Variants in BABAM2 observed in about 807,000 individuals in gnomAD.
BABAM2 encodes the protein BRISC and BRCA1 A complex member 2, also known as BRISC and BRCA1-A complex member 2.
BABAM2 carries 31 observed loss-of-function variants against 54.7 expected under a neutral mutation model. The observed-to-expected ratio is 0.57, with a 90% CI of 0.43 to 0.77. The LOEUF (loss-of-function observed/expected upper bound fraction) is 0.77. BABAM2 is among the 30% of genes least tolerant of loss of function. BABAM2 has a pLI of 0.00. For synonymous variants in BABAM2, 167 were observed against 162.9 expected (o/e 1.03, Z -0.19); for missense variants, 364 against 455.8 (o/e 0.80, Z 1.83).
chr2:27,894,827 G>T, intron 2 of BABAM2, 143 bp downstream of exon 2: 1 of 897,148 alleles, frequency 1.1e-6, no homozygotes, highest in African/African-American at 1.7e-5. Context: ...GATTCAGTTG[G>T]TTTTGTTCAG....
At chr2:28,275,810 CAG>C (rs891893332) in intron 10 of BABAM2, among the ~76,000 whole-genome samples, 7 of 152,072 alleles carry the variant, frequency 4.6e-5, no homozygotes, top group African/African-American at 1.2e-4. Flanking sequence ...AAGAAAATTG[CAG>C]AGTCTTTGCT....
At chr2:28,049,462 C>T (rs1318727880) in intron 6 of BABAM2, among the ~76,000 whole-genome samples, 1 of 152,124 alleles carries the variant, frequency 6.6e-6, no homozygotes, top group African/African-American at 2.4e-5. Context: ...AAGGCTATAA[C>T]CAATTGACTA....
chr2:27,949,759 A>G (rs1669568266), intron 3 of BABAM2, among the ~76,000 whole-genome samples: 1 of 152,062 alleles, frequency 6.6e-6, no homozygotes, highest in Non-Finnish European at 1.5e-5. Flanking sequence ...TTATTTTTAA[A>G]AATAGTTCTT....
intron 7 of BABAM2, among the ~76,000 whole-genome samples, chr2:28,169,481 A>G (rs1674075516): frequency 6.6e-6 from 1 of 152,176 alleles, no homozygotes; most frequent in African/African-American, 2.4e-5. Flanking sequence ...TAAAAGAGAC[A>G]ATATAAATAT....
intron 7 of BABAM2, among the ~76,000 whole-genome samples, chr2:28,195,580 C>G (rs1677435185): frequency 6.6e-6 from 1 of 152,166 alleles, no homozygotes; most frequent in South Asian, 2.1e-4. Flanking sequence ...AGAAGTCTAT[C>G]AAGAGGGCCA....
At chr2:28,274,180 A>C (rs1295753553) in intron 10 of BABAM2, among the ~76,000 whole-genome samples, 2 of 151,542 alleles carry the variant, frequency 1.3e-5, no homozygotes, top group African/African-American at 2.4e-5. Context: ...TTTCTCTCCC[A>C]CTCAGCCTTG....
chr2:28,219,886 G>A (rs867496489), intron 7 of BABAM2, among the ~76,000 whole-genome samples: 3 of 152,180 alleles, frequency 2.0e-5, no homozygotes, highest in African/African-American at 7.2e-5. Context: ...ATGAAGCTGT[G>A]CTGCTGCTGG....
intron 10 of BABAM2, among the ~76,000 whole-genome samples, chr2:28,246,619 T>G (rs1048841117): frequency 6.6e-6 from 1 of 152,208 alleles, no homozygotes; most frequent in Admixed American, 6.5e-5. Flanking sequence ...AACCAGTTCC[T>G]TCATCTCCAA....
chr2:27,942,501 C>T (rs1668972196), intron 3 of BABAM2, among the ~76,000 whole-genome samples: 1 of 151,668 alleles, frequency 6.6e-6, no homozygotes, highest in South Asian at 2.1e-4. Context: ...TCTGGTACTA[C>T]AGGTGCACAC....
intron 3 of BABAM2, among the ~76,000 whole-genome samples, chr2:27,941,633 TGAA>T (rs1019336794): frequency 7.9e-5 from 12 of 151,730 alleles, no homozygotes; most frequent in African/African-American, 2.9e-4. Flanking sequence ...TGTGACAGAG[TGAA>T]GAAGTCATGT....
At chr2:28,019,282 G>T (rs1675081016) in intron 4 of BABAM2, among the ~76,000 whole-genome samples, 1 of 151,998 alleles carries the variant, frequency 6.6e-6, no homozygotes, top group South Asian at 2.1e-4. Context: ...CCAAGTCTTT[G>T]CTGTTGTAAA....
In BABAM2 at chr2:27,964,998, G is replaced by A. The variant is rs974480399; in HGVS notation, c.206-22995G>A. On this transcript the variant is annotated intron_variant, in intron 3 of 11. Coordinates refer to ENST00000379624, the MANE Select transcript of BABAM2 (RefSeq NM_199191.3). Reference sequence around the variant, plus strand: ...TACAGGAGAAATTGAAATAGACATAGTATAACTGCCTTATTGGAGATGGGG... The same window carrying A: ...TACAGGAGAAATTGAAATAGACATAATATAACTGCCTTATTGGAGATGGGG... Among the ~76,000 whole-genome samples, 9 of 152,178 alleles carry A rather than the reference G, an allele frequency of 5.9e-5. No individual in the cohort carries two copies. The East Asian group carries it at 1.3e-3, about 23-fold the overall frequency.
chr2:28,227,028 A>G (rs1457795495), intron 7 of BABAM2, among the ~76,000 whole-genome samples: 1 of 152,098 alleles, frequency 6.6e-6, no homozygotes, highest in Non-Finnish European at 1.5e-5. Context: ...TTGAGTTACA[A>G]GTTCTGAGTT....
intron 4 of BABAM2, among the ~76,000 whole-genome samples, chr2:28,015,127 G>T (rs1323679174): frequency 6.6e-6 from 1 of 152,140 alleles, no homozygotes; most frequent in East Asian, 1.9e-4. Flanking sequence ...ACTAAGCTCA[G>T]TAAAGGGCAA....
At chr2:27,889,558 G>A (rs1573088590), upstream of BABAM2, among the ~76,000 whole-genome samples, 3 of 152,272 alleles carry the variant, frequency 2.0e-5, no homozygotes, top group East Asian at 1.9e-4. Context: ...AGAAGGATCT[G>A]TCTACTCAAT....
chr2:28,090,686 A>G (rs1000154312), intron 6 of BABAM2, among the ~76,000 whole-genome samples: 2 of 152,160 alleles, frequency 1.3e-5, no homozygotes, highest in African/African-American at 2.4e-5. Flanking sequence ...TAAGATCTCT[A>G]TTCTTTAAGA....
At chr2:27,938,120 C>T (rs182856646) in intron 3 of BABAM2, among the ~76,000 whole-genome samples, 57 of 152,182 alleles carry the variant, frequency 3.7e-4, no homozygotes, top group Admixed American at 9.8e-4. Flanking sequence ...GCTGTAGAAG[C>T]GTGGTTTTAT....
intron 2 of BABAM2, among the ~76,000 whole-genome samples, chr2:27,929,479 A>G (rs967812190): frequency 9.2e-5 from 14 of 152,154 alleles, no homozygotes; most frequent in African/African-American, 3.1e-4. Flanking sequence ...TGATCATAAA[A>G]CTATTCTTAT....
intron 7 of BABAM2, among the ~76,000 whole-genome samples, chr2:28,195,445 T>A (rs1677413970): frequency 6.6e-6 from 1 of 152,184 alleles, no homozygotes; most frequent in African/African-American, 2.4e-5. Context: ...CATTCAGATA[T>A]CTGTCTGGAA....
Sources: allele counts gnomAD v4.1 joint callset (sites outside exome capture counted in the v4.1 genomes callset), GRCh38; gene constraint gnomAD v4.1.1; transcripts MANE v1.5; gene names NCBI Gene and HGNC (gene_info 2026-07-23, HGNC 2026-07-21).